FAM114A1: variants seen among roughly 807,000 people sequenced by gnomAD.
FAM114A1 encodes the protein family with sequence similarity 114 member A1.
Under a neutral mutation model 64.3 loss-of-function variants are expected in FAM114A1, and 62 were observed. The observed-to-expected ratio is 0.96, with a 90% CI of 0.79 to 1.19. The LOEUF is 1.19. FAM114A1 is among the 50% of genes most tolerant of loss of function. The pLI, the probability that FAM114A1 is intolerant of heterozygous loss-of-function variation, is 0.00. For missense variants in FAM114A1, 645 were observed against 676.3 expected (o/e 0.95, Z 0.51); for synonymous variants, 254 against 251.1 (o/e 1.01, Z -0.11).
At chr4:38,872,621 CATT>C (rs1317215975) in intron 2 of FAM114A1, among the ~76,000 whole-genome samples, 3 of 152,342 alleles carry the variant, frequency 2.0e-5, no homozygotes, top group East Asian at 1.9e-4. Context: ...CCATTCTCCT[CATT>C]GTTGTGTCCA....
intron 8 of FAM114A1, among the ~76,000 whole-genome samples, chr4:38,917,411 C>T (rs560971811): frequency 2.0e-5 from 3 of 151,406 alleles, no homozygotes; most frequent in Non-Finnish European, 4.4e-5. Context: ...TGATTTTGGA[C>T]CCCCTTACCT....
At chr4:38,904,746 A>C (rs567243022) in intron 4 of FAM114A1, among the ~76,000 whole-genome samples, 2 of 152,228 alleles carry the variant, frequency 1.3e-5, no homozygotes, top group African/African-American at 4.8e-5. Flanking sequence ...TTAATTGATC[A>C]TCTGCAATGT....
At chr4:38,933,938 A>C (rs2109793855) in intron 12 of FAM114A1, among the ~76,000 whole-genome samples, 1 of 152,326 alleles carries the variant, frequency 6.6e-6, no homozygotes, top group Admixed American at 6.5e-5. Context: ...GTGTCTTTGT[A>C]CTGGCGGCAT....
At chr4:38,929,430 C>A in intron 10 of FAM114A1, 97 bp downstream of exon 10, 1 of 912,182 alleles carries the variant, frequency 1.1e-6, no homozygotes, top group Non-Finnish European at 1.7e-6. Flanking sequence ...AAATGGAAAA[C>A]CCCCAAATCT....
intron 6 of FAM114A1, among the ~76,000 whole-genome samples, chr4:38,907,809 T>C (rs1718168417): frequency 6.6e-6 from 1 of 152,196 alleles, no homozygotes; most frequent in South Asian, 2.1e-4. Context: ...CATATTATAA[T>C]TGCAGTTATA....
chr4:38,901,516 T>C (rs1185073283), intron 4 of FAM114A1, among the ~76,000 whole-genome samples: 1 of 152,220 alleles, frequency 6.6e-6, no homozygotes, highest in Non-Finnish European at 1.5e-5. Flanking sequence ...GGTCTCGAAC[T>C]CCTGATCTCA....
intron 4 of FAM114A1, among the ~76,000 whole-genome samples, chr4:38,895,722 A>G (rs1185293615): frequency 7.9e-5 from 12 of 151,882 alleles, no homozygotes; most frequent in Admixed American, 7.9e-4. Context: ...GCAAACCTCC[A>G]AAGTATACAC....
intron 3 of FAM114A1, among the ~76,000 whole-genome samples, chr4:38,885,306 C>G (rs1019444587): frequency 3.3e-5 from 5 of 151,620 alleles, no homozygotes; most frequent in African/African-American, 1.2e-4. Context: ...GTCTCTCTCT[C>G]TCTCTGTTGC....
chr4:38,943,184 T>C (rs2109823505), intron 14 of FAM114A1, among the ~76,000 whole-genome samples: 1 of 136,292 alleles, frequency 7.3e-6, no homozygotes, highest in African/African-American at 2.8e-5. Flanking sequence ...AGAGCAAGAC[T>C]CTGTCTCAAA....
At chr4:38,876,384 T>A (rs1340857966) in intron 2 of FAM114A1, among the ~76,000 whole-genome samples, 1 of 152,046 alleles carries the variant, frequency 6.6e-6, no homozygotes, top group East Asian at 1.9e-4. Context: ...TGGCCTTGGC[T>A]GGTCTTGAAC....
rs1452303686 is a variant in FAM114A1, at chr4:38,943,611, T to G, written c.*54T>G. The G allele has an allele frequency of 6.7e-7, 1 of 1,493,066 alleles. No individual in the cohort carries two copies. Among genetic ancestry groups the G allele is most frequent in the Non-Finnish European group, 9.3e-7 (1 of 1,071,960 alleles). 92.5% of individuals were successfully genotyped at this position (1,493,066 alleles called of 1,614,324 possible). A position where few individuals can be genotyped will look rare whatever the true frequency, so the allele number is the denominator to read the frequency against. On this transcript the variant is annotated 3_prime_UTR_variant, in exon 15 of 15. Transcript: ENST00000358869. ...GACAGCTGGCCGCCTTGCCTCAATA[T>G]GTACCATTTAAGGGGATGTTCTCTG...
chr4:38,937,830 G>C (rs1420903458), intron 13 of FAM114A1, among the ~76,000 whole-genome samples: 9 of 152,050 alleles, frequency 5.9e-5, no homozygotes, highest in Admixed American at 5.9e-4. Flanking sequence ...TGCCTCCCAA[G>C]TTCAAGTGAT....
intron 2 of FAM114A1, among the ~76,000 whole-genome samples, chr4:38,870,162 C>T (rs4832789): frequency 0.14 from 20,559 of 152,138 alleles, 2,550 homozygotes; most frequent in African/African-American, 0.3. Flanking sequence ...AGAATACCAT[C>T]GCTCCCACCT....
At chr4:38,916,700 C>T (rs1006024946) in intron 8 of FAM114A1, among the ~76,000 whole-genome samples, 1 of 152,122 alleles carries the variant, frequency 6.6e-6, no homozygotes, top group African/African-American at 2.4e-5. Flanking sequence ...GGAGAAATCC[C>T]TAATGTAAAT....
intron 2 of FAM114A1, among the ~76,000 whole-genome samples, chr4:38,873,059 A>G (rs1008336897): frequency 6.6e-6 from 1 of 152,172 alleles, no homozygotes; most frequent in Admixed American, 6.5e-5. Context: ...AACCACCCAC[A>G]ATACTACCCC....
chr4:38,873,626 G>A (rs1714320444), intron 2 of FAM114A1, among the ~76,000 whole-genome samples: 1 of 152,190 alleles, frequency 6.6e-6, no homozygotes, highest in Admixed American at 6.5e-5. Context: ...CAACCTGGAG[G>A]AACAAAGAAT....
intron 4 of FAM114A1, among the ~76,000 whole-genome samples, chr4:38,902,828 G>A (rs770754755): frequency 4.6e-5 from 7 of 152,030 alleles, no homozygotes; most frequent in Non-Finnish European, 8.8e-5. Context: ...TACCTCTGGA[G>A]ATGAAATCAC....
At chr4:38,909,753 C>G (rs1718354977) in intron 7 of FAM114A1, among the ~76,000 whole-genome samples, 1 of 152,152 alleles carries the variant, frequency 6.6e-6, no homozygotes, top group African/African-American at 2.4e-5. Flanking sequence ...TACTAGGAAC[C>G]CATGAAGGTT....
intron 7 of FAM114A1, among the ~76,000 whole-genome samples, chr4:38,912,429 G>A (rs1718643346): frequency 6.6e-6 from 1 of 152,084 alleles, no homozygotes; most frequent in Admixed American, 6.5e-5. Context: ...CTGTCACCCA[G>A]GCTGGAGTGC....
Sources: allele counts gnomAD v4.1 joint callset (sites outside exome capture counted in the v4.1 genomes callset), GRCh38; gene constraint gnomAD v4.1.1; transcripts MANE v1.5; gene names NCBI Gene and HGNC (gene_info 2026-07-23, HGNC 2026-07-21).